LMNTD1: variants seen among roughly 807,000 people sequenced by gnomAD.
The protein encoded by LMNTD1 is lamin tail domain-containing protein 1.
Under a neutral mutation model 50.9 loss-of-function variants are expected in LMNTD1, and 35 were observed. That is an observed-to-expected ratio of 0.69 (90% CI 0.53 to 0.91). LMNTD1 has a LOEUF of 0.91. Ranked by LOEUF, LMNTD1 falls within the 40% of genes least tolerant of loss-of-function variation. LMNTD1 has a pLI of 0.00. For missense variants in LMNTD1, 470 were observed against 475.5 expected, an observed-to-expected ratio of 0.99 and a Z score of 0.11; for synonymous variants, 153 against 161.9, an observed-to-expected ratio of 0.94 and a Z score of 0.42.
At chr12:25,594,651 C>CAAAAAAAAAAAAAAAAAAAAAAAAAAAAA (rs61299586) in intron 1 of LMNTD1, among the ~76,000 whole-genome samples, 1 of 69,904 alleles carries the variant, frequency 1.4e-5, no homozygotes, top group South Asian at 5.6e-4. Flanking sequence ...AACAGAAATA[C>CAAAAAAAAAAAAAAAAAAAAAAAAAAAAA]AAAAAAAAAA....
intron 1 of LMNTD1, among the ~76,000 whole-genome samples, chr12:25,614,697 G>A (rs189096418): frequency 6.6e-6 from 1 of 152,306 alleles, no homozygotes; most frequent in African/African-American, 2.4e-5. Context: ...AGACTTGAAA[G>A]TGTGCTTGGC....
intron 9 of LMNTD1, among the ~76,000 whole-genome samples, chr12:25,501,742 A>G (rs1411110298): frequency 6.6e-6 from 1 of 152,220 alleles, no homozygotes; most frequent in Non-Finnish European, 1.5e-5. Context: ...ACAGGTTGCC[A>G]AGGATGCTCA....
At chr12:25,511,672 A>G (rs1421178133) in intron 8 of LMNTD1, among the ~76,000 whole-genome samples, 2 of 152,198 alleles carry the variant, frequency 1.3e-5, no homozygotes, top group Admixed American at 6.5e-5. Flanking sequence ...ACTATTAACT[A>G]TAACACCTAT....
chr12:25,576,309 A>G (rs1387063548), intron 1 of LMNTD1, among the ~76,000 whole-genome samples: 1 of 152,240 alleles, frequency 6.6e-6, no homozygotes, highest in South Asian at 2.1e-4. Flanking sequence ...TCCCACCAAC[A>G]GTGTAAAAGT....
At chr12:25,513,869 A>G (rs558118425) in intron 8 of LMNTD1, among the ~76,000 whole-genome samples, 1 of 152,342 alleles carries the variant, frequency 6.6e-6, no homozygotes, top group East Asian at 1.9e-4. Flanking sequence ...ATATACAAGA[A>G]TTTTATGGAA....
intron 1 of LMNTD1, among the ~76,000 whole-genome samples, chr12:25,577,742 G>A (rs1945095171): frequency 6.6e-6 from 1 of 152,184 alleles, no homozygotes; most frequent in Non-Finnish European, 1.5e-5. Flanking sequence ...TGGTGAGAGA[G>A]GGCATCCTTG....
exon 1 of LMNTD1, chr12:25,648,535 C>G (rs1318176937): frequency 2.6e-5 from 41 of 1,551,588 alleles, no homozygotes; most frequent in Non-Finnish European, 3.5e-5. Flanking sequence ...GTCTCCTGCT[C>G]TCACTGGCTG....
chr12:25,521,400 A>T (rs1941310316), intron 6 of LMNTD1, among the ~76,000 whole-genome samples: 1 of 152,032 alleles, frequency 6.6e-6, no homozygotes, highest in Admixed American at 6.5e-5. Flanking sequence ...TTTATTTACC[A>T]TGTAAAATAT....
intron 9 of LMNTD1, among the ~76,000 whole-genome samples, chr12:25,483,326 A>AGGAG (rs1318789301): frequency 2.6e-5 from 4 of 151,480 alleles, no homozygotes; most frequent in African/African-American, 9.7e-5. Flanking sequence ...CGGGAGGCTG[A>AGGAG]GGAGGGAGGA....
chr12:25,572,261 T>C (rs1311050580), intron 1 of LMNTD1, among the ~76,000 whole-genome samples: 1 of 152,252 alleles, frequency 6.6e-6, no homozygotes, highest in African/African-American at 2.4e-5. Flanking sequence ...TTGAACATTA[T>C]GGGAAAGGTC....
At position 25,505,856 on chromosome 12, in the gene LMNTD1, CAT is replaced by C. The variant is rs564828531; in HGVS notation, c.1190-2058_1190-2057del. On this transcript the variant is annotated intron_variant, in intron 8 of 9. Coordinates refer to ENST00000458174, the MANE Select transcript of LMNTD1 (RefSeq NM_001145728.2). The stretch of plus-strand genomic sequence containing the variant: ...TAGTTATGTCATTGACTAATTTAGC[CAT>C]ATATGTTTATATGTATATAATATTG... Among the ~76,000 whole-genome samples, 676 of 152,014 alleles carry C rather than the reference CAT, an allele frequency of 4.4e-3. 3 individuals are homozygous for C. Among genetic ancestry groups the C allele is most frequent in the South Asian group, 7.9e-3 (38 of 4,820 alleles).
intron 8 of LMNTD1, 44 bp from the exon 9 acceptor site, chr12:25,503,844 T>A (rs1289081048): frequency 8.8e-7 from 1 of 1,134,462 alleles, no homozygotes; most frequent in Non-Finnish European, 1.3e-6. Context: ...AGAGGCTAGG[T>A]AGGGAAGGGC....
intron 1 of LMNTD1, among the ~76,000 whole-genome samples, chr12:25,579,890 C>T (rs1252094577): frequency 1.3e-5 from 2 of 152,084 alleles, no homozygotes; most frequent in Non-Finnish European, 2.9e-5. Flanking sequence ...TTTTCCCCTG[C>T]CAGTGCATTC....
intron 1 of LMNTD1, among the ~76,000 whole-genome samples, chr12:25,646,816 T>C (rs1001291447): frequency 6.6e-6 from 1 of 152,192 alleles, no homozygotes; most frequent in African/African-American, 2.4e-5. Context: ...GCTTAGAAAA[T>C]GTAAATGCAA....
At chr12:25,647,329 AAAAAAATTGGCTG>A (rs1947094670) in intron 1 of LMNTD1, among the ~76,000 whole-genome samples, 1 of 152,018 alleles carries the variant, frequency 6.6e-6, no homozygotes, top group Non-Finnish European at 1.5e-5. Flanking sequence ...CCAAAAATAC[AAAAAAATTGGCTG>A]GGCATGGTGG....
chr12:25,555,670 T>C (rs1411305427), upstream of LMNTD1, among the ~76,000 whole-genome samples: 2 of 152,162 alleles, frequency 1.3e-5, no homozygotes, highest in Non-Finnish European at 2.9e-5. Context: ...ACGTCCTCTG[T>C]TTCTAATGAA....
chr12:25,499,388 A>G (rs1261075471), intron 9 of LMNTD1, among the ~76,000 whole-genome samples: 1 of 152,170 alleles, frequency 6.6e-6, no homozygotes, highest in Non-Finnish European at 1.5e-5. Context: ...AACTTTTGCC[A>G]AGGTGAAAGG....
chr12:25,558,170 C>G (rs1944119028), upstream of LMNTD1, among the ~76,000 whole-genome samples: 2 of 152,154 alleles, frequency 1.3e-5, no homozygotes, highest in South Asian at 4.1e-4. Context: ...TGGATCTTCT[C>G]TTTTATTCTT....
intron 1 of LMNTD1, among the ~76,000 whole-genome samples, chr12:25,568,563 G>A (rs1316481211): frequency 1.3e-5 from 2 of 152,196 alleles, no homozygotes; most frequent in African/African-American, 4.8e-5. Context: ...GCATTTCAGA[G>A]ACTTATGAGG....
Sources: allele counts gnomAD v4.1 joint callset (sites outside exome capture counted in the v4.1 genomes callset), GRCh38; gene constraint gnomAD v4.1.1; transcripts MANE v1.5; gene names NCBI Gene and HGNC (gene_info 2026-07-23, HGNC 2026-07-21).